Variants in NEIL1 observed in about 807,000 individuals in gnomAD.
NEIL1 encodes the protein nei like DNA glycosylase 1, also known as endonuclease 8-like 1.
NEIL1 carries 31 observed loss-of-function variants against 44.2 expected under a neutral mutation model. That is an observed-to-expected ratio of 0.70 (90% CI 0.53 to 0.95). The LOEUF (loss-of-function observed/expected upper bound fraction) is 0.95. Among genes scored for constraint, NEIL1 ranks in the 40% least tolerant of loss-of-function variants. The pLI is 0.00. For missense variants in NEIL1, 549 were observed against 515.5 expected, an observed-to-expected ratio of 1.07 and a Z score of -0.63; for synonymous variants, 254 against 209.7, an observed-to-expected ratio of 1.21 and a Z score of -1.83.
Position 75,352,344 on chromosome 15 carries a change from A to G in NEIL1, c.575A>G (p.Glu192Gly). The change falls in exon 4 of 10, where the codon GAG becomes GGG. Residue 192 changes from glutamate (E) to glycine (G), a missense_variant. By Grantham distance (98) the Glu-to-Gly change is moderately conservative. Transcript: ENST00000355059. ...TACAGGCTGAAGATCCCCCCCTTTG[A>G]GAAGGCCCGCTCGGTCCTGGAGGCC... is the stretch of plus-strand genomic sequence containing the variant. ...ILYRLKIPPFEKARSVLEALQ... is the reference protein window; with the variant it reads ...ILYRLKIPPFGKARSVLEALQ... 1 of 1,614,036 alleles carries G rather than the reference A, an allele frequency of 6.2e-7. No individual in the cohort carries two copies. Among genetic ancestry groups the G allele is most frequent in the Non-Finnish European group, 8.5e-7 (1 of 1,180,014 alleles).
chr15:75,348,125 G>T, intron 1 of NEIL1: 3 of 797,070 alleles, frequency 3.8e-6, no homozygotes, highest in Non-Finnish European at 4.8e-6. Flanking sequence ...CCTTCCTGGT[G>T]CCCGCCGTCC....
At chr15:75,347,816 C>T (rs931507880) in intron 1 of NEIL1, 2 of 1,146,682 alleles carry the variant, frequency 1.7e-6, no homozygotes, top group Non-Finnish European at 2.2e-6. Flanking sequence ...CCGAGAGCGC[C>T]GCTCCTCCCC....
Position 75,354,781 on chromosome 15 carries a change from C to T in NEIL1, c.1065C>T (p.Pro355=). 6.2e-7 allele frequency: 1 copy of T among 1,614,100 alleles called. No individual in the cohort carries two copies. The highest frequency in any genetic ancestry group is 8.5e-7 in the Non-Finnish European group (1 of 1,180,028). ...LQQDPEAPTV[P]KKGRRKGRQA... ...AGGACCCAGAAGCTCCCACAGTGCCCAAGAAGGGGAGGAGGAAGGGGCGAC... is the reference window on the plus strand; with the variant it reads ...AGGACCCAGAAGCTCCCACAGTGCCTAAGAAGGGGAGGAGGAAGGGGCGAC... Residue 355 remains proline (P), a synonymous_variant, in exon 9 of 10, where the codon CCC becomes CCT. Coordinates refer to ENST00000355059, the MANE Select transcript of NEIL1 (RefSeq NM_024608.4).
Position 75,355,157 on chromosome 15 carries a change from C to A in NEIL1, c.*123C>A. 1.4e-6 allele frequency: 1 copy of A among 729,094 alleles called. No individual in the cohort carries two copies. The highest frequency in any genetic ancestry group is 2.3e-6 in the Non-Finnish European group (1 of 436,728). The allele number at this position is 729,094 out of a possible 1,614,324, so 45.2% of individuals were successfully genotyped here. A position where few individuals can be genotyped will look rare whatever the true frequency, so the allele number is the denominator to read the frequency against. On this transcript the variant is annotated 3_prime_UTR_variant, in exon 10 of 10. Transcript: ENST00000355059. ...ACAGGCCCTACGGCTGTTCCCTGCA[C>A]AACTCTCATGGTTTTAATTGTACCC...
rs955993421 is a variant in NEIL1, at chr15:75,352,831, C to T, written c.718+130C>T. On this transcript the variant is annotated intron_variant, in intron 5 of 9. Transcript: ENST00000355059. Reference sequence around the variant, plus strand: ...CCTAGCTGATACTCAATGGACTAGGCCTCCTCACTTGTCAATAGTGTTTCC... The same window carrying T: ...CCTAGCTGATACTCAATGGACTAGGTCTCCTCACTTGTCAATAGTGTTTCC... 2.5e-5 allele frequency: 18 copies of T among 729,062 alleles called. 1 individual carries two copies. The Middle Eastern group carries it at 7.1e-4, about 29-fold the overall frequency. 45.2% of individuals were successfully genotyped at this position (729,062 alleles called of 1,614,324 possible). A position where few individuals can be genotyped will look rare whatever the true frequency, so the allele number is the denominator to read the frequency against.
chr15:75,349,953 C>T (rs993672517), intron 2 of NEIL1, among the ~76,000 whole-genome samples: 3 of 152,346 alleles, frequency 2.0e-5, no homozygotes, highest in African/African-American at 7.2e-5. Context: ...CACCACCTCT[C>T]AGGGCTCCCA....
At chr15:75,353,945 G>A in intron 6 of NEIL1, 79 bp downstream of exon 6, 1 of 1,568,666 alleles carries the variant, frequency 6.4e-7, no homozygotes. Flanking sequence ...AACTGGGGTG[G>A]TGATGCTCAG....
intron 5 of NEIL1, chr15:75,353,346 TA>T: frequency 3.2e-6 from 1 of 315,586 alleles, no homozygotes; most frequent in Non-Finnish European, 6.4e-6. Context: ...CATCTGCCTC[TA>T]AGTAGCTAGG....
At chr15:75,348,288 C>G in intron 1 of NEIL1, 1 of 980,828 alleles carries the variant, frequency 1.0e-6, no homozygotes, top group South Asian at 4.7e-5. Flanking sequence ...TTCGGCCGCT[C>G]CCGCCGCTCC....
rs140841978 is a variant in NEIL1 at position 75,356,817 on chromosome 15, C to T, written c.*1783C>T. Reference sequence around the variant, plus strand: ...CAGCGAGAGGCTGAGGATGCTGCCTCGCACTGACGCGCCATACTTGCAGTC... The same window carrying T: ...CAGCGAGAGGCTGAGGATGCTGCCTTGCACTGACGCGCCATACTTGCAGTC... On this transcript the variant is annotated 3_prime_UTR_variant, in exon 10 of 10. Coordinates refer to ENST00000355059, the MANE Select transcript of NEIL1 (RefSeq NM_024608.4). This position sits in a 1 kb window ranked among gnomAD's most constrained non-coding sequence, Gnocchi z 5.8. The T allele has an allele frequency of 1.4e-5, 22 of 1,613,948 alleles. No homozygotes were observed. Among genetic ancestry groups the T allele is most frequent in the Admixed American group, 1.3e-4 (8 of 60,006 alleles).
At chr15:75,353,889 G>A (rs1442339459) in intron 6 of NEIL1, 23 bp downstream of exon 6, 1 of 1,611,520 alleles carries the variant, frequency 6.2e-7, no homozygotes, top group Admixed American at 1.7e-5. Context: ...TGTTCACACA[G>A]GCAGAGACCC....
rs1428425385 is a variant in NEIL1 at position 75,353,880 on chromosome 15, G to A, written c.846+14G>A. Reference sequence around the variant, plus strand: ...ATCTGGTTCCAGGTTGGGCCCTACTGTTCACACAGGCAGAGACCCCAGGAG... The same window carrying A: ...ATCTGGTTCCAGGTTGGGCCCTACTATTCACACAGGCAGAGACCCCAGGAG... On this transcript the variant is annotated intron_variant, in intron 6 of 9. Transcript: ENST00000355059. 1 of 1,612,076 alleles carries A rather than the reference G, an allele frequency of 6.2e-7. No homozygotes were observed. The highest frequency in any genetic ancestry group is 8.5e-7 in the Non-Finnish European group (1 of 1,179,898).
rs534509768 is a variant in NEIL1 at position 75,354,496 on chromosome 15, T to C, written c.936+4T>C. On this transcript the variant is annotated splice_donor_region_variant and intron_variant, in intron 8 of 9. Coordinates refer to ENST00000355059, the MANE Select transcript of NEIL1 (RefSeq NM_024608.4). ...GAGTCCTGAGGACAGAGTGGAGGTA[T>C]GGCTGCCTGCTCCCGCCTCCTCCCC... is the stretch of plus-strand genomic sequence containing the variant. 1.5e-5 allele frequency: 25 copies of C among 1,614,134 alleles called. No homozygotes were observed. The highest frequency in any genetic ancestry group is 1.3e-4 in the Admixed American group (8 of 60,028).
In NEIL1 at chr15:75,353,519, A is replaced by G. The variant is rs1276071514; in HGVS notation, c.719-220A>G. On this transcript the variant is annotated intron_variant, in intron 5 of 9. Transcript: ENST00000355059. ...GGGATTACAGGTGTGGCCACTGCAC[A>G]GGGCCAGGACAAGGATTCTTAATCC... 7 of 670,492 alleles carry G rather than the reference A, an allele frequency of 1.0e-5. No individual in the cohort carries two copies. The Middle Eastern group carries it at 1.2e-3, about 120-fold the overall frequency. The allele number at this position is 670,492 out of a possible 1,614,324, so 41.5% of individuals were successfully genotyped here.
Position 75,356,853 on chromosome 15 carries a change from G to A in NEIL1, c.*1819G>A, listed in dbSNP as rs377575239. 1.4e-4 allele frequency: 221 copies of A among 1,614,038 alleles called. No homozygotes were observed. Among genetic ancestry groups the A allele is most frequent in the Admixed American group, 2.2e-4 (13 of 60,006 alleles). On this transcript the variant is annotated 3_prime_UTR_variant, in exon 10 of 10. Coordinates refer to ENST00000355059, the MANE Select transcript of NEIL1 (RefSeq NM_024608.4). The surrounding 1 kb of genome is among the most constrained non-coding windows in gnomAD (Gnocchi z 5.8). ...GCCATACTTGCAGTCGTTGAGCAGG[G>A]CCAGCCCAAAGCCGTGTTCTGACAG...
At position 75,352,351 on chromosome 15, in the gene NEIL1, C is replaced by A. The variant is rs1318028874; in HGVS notation, c.582C>A (p.Ala194=). The change falls in exon 4 of 10, where the codon GCC becomes GCA. Residue 194 remains alanine, a synonymous_variant. Transcript: ENST00000355059. ...TGAAGATCCCCCCCTTTGAGAAGGC[C>A]CGCTCGGTCCTGGAGGCCCTGCAGC... ...YRLKIPPFEK[A]RSVLEALQQH... 1 of 1,614,132 alleles carries A rather than the reference C, an allele frequency of 6.2e-7. No homozygotes were observed. The highest frequency in any genetic ancestry group is 8.5e-7 in the Non-Finnish European group (1 of 1,180,040).
chr15:75,349,689 C>T lies in NEIL1; in HGVS notation c.434+350C>T. 4 of 241,632 alleles carry T rather than the reference C, an allele frequency of 1.7e-5. No homozygotes were observed. In the South Asian group the frequency reaches 2.6e-4, roughly 16 times the overall value. 15.0% of individuals were successfully genotyped at this position (241,632 alleles called of 1,614,324 possible). A position where few individuals can be genotyped will look rare whatever the true frequency, so the allele number is the denominator to read the frequency against. ...ATTAGCCGGGCATGGTGGCACATGC[C>T]TGTAACCCCAGCTACTTGGGAGGCT... On this transcript the variant is annotated intron_variant, in intron 2 of 9. Transcript: ENST00000355059.
At chr15:75,352,859 G>A (rs989009162) in intron 5 of NEIL1, 158 bp downstream of exon 5, 48 of 653,800 alleles carry the variant, frequency 7.3e-5, no homozygotes, top group Non-Finnish European at 8.0e-5. Context: ...GTGTTTCCAG[G>A]CTGGGCGCAG....
intron 6 of NEIL1, 39 bp downstream of exon 6, chr15:75,353,905 G>C: frequency 6.2e-7 from 1 of 1,609,828 alleles, no homozygotes; most frequent in Non-Finnish European, 8.5e-7. Context: ...GACCCCAGGA[G>C]GCTGATGGGT....
Sources: gnomAD v4.1 joint callset for allele counts (sites outside exome capture counted in the v4.1 genomes callset) on GRCh38, gnomAD v4.1.1 for gene constraint, Gnocchi (gnomAD v3.1) non-coding constraint, MANE v1.5 for transcripts, NCBI Gene and HGNC (gene_info 2026-07-23, HGNC 2026-07-21) for gene names.